UST: variants seen among roughly 807,000 people sequenced by gnomAD.
UST encodes the protein uronyl 2-sulfotransferase.
In UST, 21 loss-of-function variants were observed where a neutral mutation model predicts 45.6. The observed-to-expected ratio is 0.46, with a 90% CI of 0.33 to 0.66. The LOEUF is 0.66. Among genes scored for constraint, UST ranks in the 30% least tolerant of loss-of-function variants. UST has a pLI of 0.02. For synonymous variants in UST, 215 were observed against 200.6 expected, an observed-to-expected ratio of 1.07 and a Z score of -0.61; for missense variants, 463 against 512.4, an observed-to-expected ratio of 0.90 and a Z score of 0.93.
intron 7 of UST, among the ~76,000 whole-genome samples, chr6:149,056,493 T>C (rs1776568697): frequency 6.6e-6 from 1 of 152,206 alleles, no homozygotes. Flanking sequence ...AGCTTATCAA[T>C]TTCAAACTTT....
intron 1 of UST, among the ~76,000 whole-genome samples, chr6:148,765,857 A>G (rs1041188587): frequency 6.6e-6 from 1 of 152,132 alleles, no homozygotes; most frequent in Non-Finnish European, 1.5e-5. Flanking sequence ...ATCTTGCCTA[A>G]TTGCTCTGGC....
At chr6:148,993,159 A>G in intron 5 of UST, 1 of 728,244 alleles carries the variant, frequency 1.4e-6, no homozygotes, top group Non-Finnish European at 1.7e-6. Flanking sequence ...TTCTACATCT[A>G]AACAAGGCCA....
chr6:148,915,441 T>C (rs1487591415), intron 2 of UST, among the ~76,000 whole-genome samples: 1 of 151,584 alleles, frequency 6.6e-6, no homozygotes, highest in African/African-American at 2.4e-5. Flanking sequence ...GATAAGAGGG[T>C]AGGAAAAAAA....
chr6:148,820,034 A>T (rs942106662), intron 1 of UST, among the ~76,000 whole-genome samples: 1 of 152,158 alleles, frequency 6.6e-6, no homozygotes, highest in Non-Finnish European at 1.5e-5. Context: ...GGTTGTTCAC[A>T]TCGTATTATC....
intron 4 of UST, among the ~76,000 whole-genome samples, chr6:148,954,929 C>T (rs1032607300): frequency 4.6e-5 from 7 of 152,222 alleles, no homozygotes; most frequent in Non-Finnish European, 1.0e-4. Flanking sequence ...TTGATTGTCA[C>T]TGTGCCTCAC....
chr6:148,776,269 C>T (rs1414294533), intron 1 of UST, among the ~76,000 whole-genome samples: 2 of 152,210 alleles, frequency 1.3e-5, no homozygotes, highest in East Asian at 3.9e-4. Flanking sequence ...TTCTGGTTCT[C>T]ATTCAGGCCC....
chr6:148,965,176 C>T (rs775377693), intron 5 of UST, among the ~76,000 whole-genome samples: 1 of 152,176 alleles, frequency 6.6e-6, no homozygotes, highest in Non-Finnish European at 1.5e-5. Context: ...CCCTCAGCTC[C>T]ATAAGGGATG....
At chr6:149,012,549 C>T (rs1177452320) in intron 5 of UST, among the ~76,000 whole-genome samples, 4 of 152,222 alleles carry the variant, frequency 2.6e-5, no homozygotes, top group East Asian at 1.9e-4. Flanking sequence ...ATATTTTTAG[C>T]GTGTGAAGAC....
intron 5 of UST, among the ~76,000 whole-genome samples, chr6:148,980,709 G>A (rs1043823594): frequency 1.3e-5 from 2 of 151,912 alleles, no homozygotes; most frequent in African/African-American, 4.8e-5. Flanking sequence ...AAGTTGAAAG[G>A]CCTTTTTTGT....
At chr6:149,009,667 A>T (rs977339408) in intron 5 of UST, among the ~76,000 whole-genome samples, 1 of 152,206 alleles carries the variant, frequency 6.6e-6, no homozygotes, top group African/African-American at 2.4e-5. Flanking sequence ...CAAAGCAAAA[A>T]GTTACTTGAG....
At chr6:149,002,472 T>A (rs1273412796) in intron 5 of UST, among the ~76,000 whole-genome samples, 1 of 152,154 alleles carries the variant, frequency 6.6e-6, no homozygotes, top group Non-Finnish European at 1.5e-5. Context: ...GTAGGAATAA[T>A]AACATGATAC....
intron 1 of UST, among the ~76,000 whole-genome samples, chr6:148,771,631 A>C (rs766996002): frequency 1.3e-5 from 2 of 152,222 alleles, no homozygotes; most frequent in African/African-American, 2.4e-5. Context: ...CGACTATTAG[A>C]ATTTAAAGGC....
At chr6:148,946,969 C>T (rs1467096823) in intron 3 of UST, among the ~76,000 whole-genome samples, 1 of 150,824 alleles carries the variant, frequency 6.6e-6, no homozygotes, top group Non-Finnish European at 1.5e-5. Context: ...TATTAGTGCA[C>T]CCTATTTCTA....
rs143192142 is a variant in UST, at chr6:148,871,295, A to G, written c.248-15691A>G. On this transcript the variant is annotated intron_variant, in intron 1 of 7. Coordinates refer to ENST00000367463, the MANE Select transcript of UST (RefSeq NM_005715.3). ...CTTCCTGCCTCCAGAACTGTGAGAA[A>G]TAAATGTTTGCTACTTAGGCCACCT... Among the ~76,000 whole-genome samples, 953 of 152,238 alleles carry G rather than the reference A, an allele frequency of 6.3e-3. 10 individuals are homozygous for G. The highest frequency in any genetic ancestry group is 0.022 in the African/African-American group (894 of 41,530).
chr6:148,952,470 G>A (rs576842002), intron 3 of UST, among the ~76,000 whole-genome samples: 2 of 152,244 alleles, frequency 1.3e-5, no homozygotes, highest in East Asian at 1.9e-4. Context: ...TCCTTCAATC[G>A]TTGTGAGCTT....
intron 7 of UST, among the ~76,000 whole-genome samples, chr6:149,062,813 C>A (rs1776673594): frequency 6.6e-6 from 1 of 152,174 alleles, no homozygotes. Context: ...CCCTTGGTAT[C>A]TGTAAGTAAA....
At chr6:148,811,475 GA>G (rs1562264938) in intron 1 of UST, among the ~76,000 whole-genome samples, 2 of 152,202 alleles carry the variant, frequency 1.3e-5, no homozygotes, top group Non-Finnish European at 2.9e-5. Context: ...GAATGGGTGA[GA>G]ATTGGCGCCA....
At chr6:149,036,558 C>G (rs560975121) in intron 7 of UST, among the ~76,000 whole-genome samples, 8 of 152,324 alleles carry the variant, frequency 5.3e-5, no homozygotes, top group African/African-American at 1.7e-4. Flanking sequence ...CTACATTTAA[C>G]TGGGAATGTT....
intron 3 of UST, among the ~76,000 whole-genome samples, chr6:148,946,004 T>C (rs1780227965): frequency 6.6e-6 from 1 of 152,240 alleles, no homozygotes; most frequent in South Asian, 2.1e-4. Context: ...TAGATAGCTT[T>C]AGCTTCCTTA....
Sources: allele counts gnomAD v4.1 joint callset (sites outside exome capture counted in the v4.1 genomes callset), GRCh38; gene constraint gnomAD v4.1.1; transcripts MANE v1.5; gene names NCBI Gene and HGNC (gene_info 2026-07-23, HGNC 2026-07-21).